Variants in KIAA1755 observed in about 807,000 individuals in gnomAD.
KIAA1755 encodes the protein uncharacterized protein KIAA1755.
Under a neutral mutation model 91.7 loss-of-function variants are expected in KIAA1755, and 68 were observed. The observed-to-expected ratio is 0.74, with a 90% CI of 0.61 to 0.91. The LOEUF is 0.91. KIAA1755 is among the 40% of genes least tolerant of loss of function. KIAA1755 has a pLI of 0.00. For missense variants in KIAA1755, 1,535 were observed against 1,494.4 expected (o/e 1.03, Z -0.45); for synonymous variants, 610 against 604.6 (o/e 1.01, Z -0.13).
At chr20:38,220,839 C>G (rs1600574708) in intron 10 of KIAA1755, among the ~76,000 whole-genome samples, 1 of 152,190 alleles carries the variant, frequency 6.6e-6, no homozygotes. Context: ...AATCGACTTG[C>G]AGATGACAAC....
At chr20:38,242,997 T>C (rs1232286815) in intron 2 of KIAA1755, among the ~76,000 whole-genome samples, 1 of 152,208 alleles carries the variant, frequency 6.6e-6, no homozygotes, top group Non-Finnish European at 1.5e-5. Context: ...ACCCAAGTGA[T>C]CCCTCTCAGT....
intron 13 of KIAA1755, among the ~76,000 whole-genome samples, chr20:38,214,640 G>C (rs962092310): frequency 1.3e-5 from 2 of 152,134 alleles, no homozygotes; most frequent in Non-Finnish European, 2.9e-5. Context: ...AGGAGAAACC[G>C]GCCAGGCAGG....
At chr20:38,258,479 C>T (rs1363304256) in intron 1 of KIAA1755, among the ~76,000 whole-genome samples, 1 of 152,178 alleles carries the variant, frequency 6.6e-6, no homozygotes, top group Non-Finnish European at 1.5e-5. Flanking sequence ...TGCCCCCAAA[C>T]ACTAGACAGC....
chr20:38,218,095 C>A, intron 12 of KIAA1755, 149 bp downstream of exon 12: 2 of 944,104 alleles, frequency 2.1e-6, no homozygotes, highest in Non-Finnish European at 3.2e-6. Flanking sequence ...AACATCTCAG[C>A]TGAACTCTGC....
At chr20:38,244,992 C>G (rs2076130838) in intron 2 of KIAA1755, among the ~76,000 whole-genome samples, 1 of 151,970 alleles carries the variant, frequency 6.6e-6, no homozygotes, top group Non-Finnish European at 1.5e-5. Context: ...TCCCAAAGTA[C>G]TGGGATTACA....
chr20:38,251,892 G>T (rs549641219), intron 1 of KIAA1755, among the ~76,000 whole-genome samples: 1 of 152,060 alleles, frequency 6.6e-6, no homozygotes, highest in African/African-American at 2.4e-5. Flanking sequence ...TATCATTTTC[G>T]TCAAGTAAAA....
At chr20:38,237,226 G>T (rs1013848182) in intron 4 of KIAA1755, among the ~76,000 whole-genome samples, 1 of 151,888 alleles carries the variant, frequency 6.6e-6, no homozygotes, top group Admixed American at 6.6e-5. Flanking sequence ...TGGTGTTGAA[G>T]GTCAAAGGAG....
intron 8 of KIAA1755, 167 bp downstream of exon 8, chr20:38,225,498 C>A: frequency 1.6e-6 from 1 of 618,608 alleles, no homozygotes; most frequent in East Asian, 2.9e-5. Context: ...AGCCTGGCCC[C>A]AGAGCCTGAG....
At chr20:38,231,066 C>T in intron 5 of KIAA1755, 136 bp downstream of exon 5, 1 of 940,822 alleles carries the variant, frequency 1.1e-6, no homozygotes, top group Non-Finnish European at 1.5e-6. Flanking sequence ...CCCCCGGCAT[C>T]TGTCTGGGGA....
chr20:38,216,926 G>C (rs1421997015), intron 13 of KIAA1755: 2 of 580,380 alleles, frequency 3.4e-6, no homozygotes, highest in Non-Finnish European at 6.5e-6. Flanking sequence ...AGCATATAAG[G>C]CATGTCACGG....
chr20:38,222,253 G>A (rs184407290), intron 10 of KIAA1755, among the ~76,000 whole-genome samples, 196 bp downstream of exon 10: 1 of 152,370 alleles, frequency 6.6e-6, no homozygotes, highest in East Asian at 1.9e-4. Flanking sequence ...AAGCAGAGAA[G>A]GGGCGAGGAA....
intron 1 of KIAA1755, among the ~76,000 whole-genome samples, chr20:38,255,379 G>A (rs535599205): frequency 6.6e-6 from 1 of 152,312 alleles, no homozygotes; most frequent in African/African-American, 2.4e-5. Context: ...ATGGGGAATA[G>A]AGGGGCTTGG....
intron 7 of KIAA1755, 63 bp from the exon 8 acceptor site, chr20:38,225,844 C>G: frequency 1.1e-6 from 1 of 934,042 alleles, no homozygotes; most frequent in Non-Finnish European, 1.6e-6. Context: ...TTAGAAGGTC[C>G]TGCCCAGATC....
rs776560479 is a variant in KIAA1755, at chr20:38,240,765, A to T, written c.1366T>A (p.Cys456Ser). 6.3e-7 allele frequency: 1 copy of T among 1,592,652 alleles called. No individual in the cohort carries two copies. The highest frequency in any genetic ancestry group is 1.3e-5 in the African/African-American group (1 of 74,190). The change falls in exon 3 of 14, where the codon TGC becomes AGC. Residue 456 changes from cysteine (C) to serine (S), a missense_variant. Coordinates refer to ENST00000279024, the MANE Select transcript of KIAA1755 (RefSeq NM_001029864.2). ...GGGGAGGAGGTGTTTCTGCTAGGGCAGGGCATGGGCTTGGGAAGTCTCCCA... is the reference window on the plus strand; with the variant it reads ...GGGGAGGAGGTGTTTCTGCTAGGGCTGGGCATGGGCTTGGGAAGTCTCCCA... ...RNGRLPKPMP[C>S]PSRNTSSPEP...
Position 38,212,769 on chromosome 20 carries a change from G to A in KIAA1755, c.*273C>T, listed in dbSNP as rs2075469985. The A allele has an allele frequency of 2.7e-6, 1 of 373,322 alleles. No individual in the cohort carries two copies. Among genetic ancestry groups the A allele is most frequent in the Non-Finnish European group, 4.8e-6 (1 of 206,668 alleles). The allele number at this position is 373,322 out of a possible 1,614,324, so 23.1% of individuals were successfully genotyped here. ...GTGCCGACAGGTCTTTCCACAATGAGAGCCTGGAGGGATGGAGCCAATCAC... is the reference window on the plus strand; with the variant it reads ...GTGCCGACAGGTCTTTCCACAATGAAAGCCTGGAGGGATGGAGCCAATCAC... On this transcript the variant is annotated 3_prime_UTR_variant, in exon 14 of 14. Coordinates refer to ENST00000279024, the MANE Select transcript of KIAA1755 (RefSeq NM_001029864.2).
At chr20:38,234,913 G>A (rs1480493473) in intron 4 of KIAA1755, among the ~76,000 whole-genome samples, 1 of 152,180 alleles carries the variant, frequency 6.6e-6, no homozygotes, top group African/African-American at 2.4e-5. Flanking sequence ...TAGCATCTCA[G>A]AACCGTGGCT....
chr20:38,248,681 T>TTTATTA (rs139229061), intron 1 of KIAA1755, among the ~76,000 whole-genome samples: 24,519 of 144,584 alleles, frequency 0.17, 2,134 homozygotes, highest in Middle Eastern at 0.27. Context: ...TTGTCTTCTC[T>TTTATTA]TTATTATTAT....
chr20:38,254,745 C>T (rs917847772), intron 1 of KIAA1755, among the ~76,000 whole-genome samples: 7 of 151,718 alleles, frequency 4.6e-5, no homozygotes, highest in African/African-American at 1.7e-4. Context: ...ATGATCACAC[C>T]ACTGTACTCC....
chr20:38,218,397 G>T, intron 11 of KIAA1755, 31 bp from the exon 12 acceptor site: 1 of 1,612,284 alleles, frequency 6.2e-7, no homozygotes, highest in Non-Finnish European at 8.5e-7. Flanking sequence ...TTGGACATGA[G>T]GGGCTGCTAG....
Sources: allele counts gnomAD v4.1 joint callset (sites outside exome capture counted in the v4.1 genomes callset), GRCh38; gene constraint gnomAD v4.1.1; transcripts MANE v1.5; gene names NCBI Gene and HGNC (gene_info 2026-07-23, HGNC 2026-07-21).